UGT3A2: variants seen among roughly 807,000 people sequenced by gnomAD.
The protein encoded by UGT3A2 is UDP glycosyltransferase family 3 member A2, also known as UDP-glycosyltransferase 3A2.
Under a neutral mutation model 39.8 loss-of-function variants are expected in UGT3A2, and 32 were observed. The observed-to-expected ratio is 0.80, with a 90% CI of 0.61 to 1.08. UGT3A2 has a LOEUF of 1.08. Among genes scored for constraint, UGT3A2 ranks in the 50% least tolerant of loss-of-function variants. The pLI is 0.00. For missense variants in UGT3A2, 611 were observed against 637.1 expected (o/e 0.96, Z 0.44); for synonymous variants, 241 against 230.7 (o/e 1.04, Z -0.40).
chr5:36,037,796 C>T lies in UGT3A2; in HGVS notation c.1295+1G>A, dbSNP rs751765503. The T allele has an allele frequency of 4.3e-6, 7 of 1,614,100 alleles. No homozygotes were observed. The East Asian group carries it at 6.7e-5, about 15-fold the overall frequency. On this transcript the variant is annotated splice_donor_variant, in intron 6 of 6. Transcript: ENST00000282507. LOFTEE classifies it high-confidence loss of function. Reference sequence around the variant, plus strand: ...GACCACAACCCCAAGGAGCTGCATACCTCTTGTCTTCCATGATTTGTTTCA... The same window carrying T: ...GACCACAACCCCAAGGAGCTGCATATCTCTTGTCTTCCATGATTTGTTTCA...
chr5:36,039,548 T>G lies in UGT3A2; in HGVS notation c.1004A>C (p.His335Pro). Reference protein sequence around the residue: ...QGVIWKCQCSHWPKDVHLAAN... With the variant: ...QGVIWKCQCSPWPKDVHLAAN... ...AGCCAGGTGGACATCTTTGGGCCAA[T>G]GAGAACACTGACACTTCCATATCAC... Residue 335 changes from histidine to proline, a missense_variant, in exon 5 of 7, where the codon CAT (histidine) becomes CCT (proline). Coordinates refer to ENST00000282507, the MANE Select transcript of UGT3A2 (RefSeq NM_174914.4). 6.2e-7 allele frequency: 1 copy of G among 1,614,196 alleles called. No individual in the cohort carries two copies. The highest frequency in any genetic ancestry group is 1.3e-5 in the African/African-American group (1 of 75,050).
chr5:36,062,056 G>T (rs954975866), intron 2 of UGT3A2, among the ~76,000 whole-genome samples: 1 of 151,764 alleles, frequency 6.6e-6, no homozygotes, highest in Non-Finnish European at 1.5e-5. Flanking sequence ...AGAAGTGTCT[G>T]TTCATGTCCT....
chr5:36,063,619 G>T (rs559991728), intron 2 of UGT3A2, among the ~76,000 whole-genome samples: 3 of 152,160 alleles, frequency 2.0e-5, no homozygotes, highest in Non-Finnish European at 4.4e-5. Context: ...AAATAAGGCT[G>T]AATATTTCTG....
At chr5:36,045,557 C>T (rs972683371) in intron 4 of UGT3A2, among the ~76,000 whole-genome samples, 1 of 150,706 alleles carries the variant, frequency 6.6e-6, no homozygotes, top group African/African-American at 2.4e-5. Flanking sequence ...CGCACCACTG[C>T]ACTCCAGCCT....
chr5:36,045,594 C>T (rs114500433), intron 4 of UGT3A2, among the ~76,000 whole-genome samples: 2,168 of 140,904 alleles, frequency 0.015, 49 homozygotes, highest in African/African-American at 0.055. Flanking sequence ...ACTCAGTCCT[C>T]AGTCTCAAAA....
chr5:36,054,643 A>G (rs894987070), intron 2 of UGT3A2, among the ~76,000 whole-genome samples: 2 of 152,116 alleles, frequency 1.3e-5, no homozygotes, highest in African/African-American at 4.8e-5. Context: ...TGGGACAGGC[A>G]TAGGATACCA....
chr5:36,041,038 T>A (rs553443439), intron 4 of UGT3A2, among the ~76,000 whole-genome samples: 1 of 152,212 alleles, frequency 6.6e-6, no homozygotes, highest in Non-Finnish European at 1.5e-5. Context: ...TTGCTAGACA[T>A]GCCCTGGGTC....
In UGT3A2 at chr5:36,036,080, C is replaced by A. The variant is rs16902694; in HGVS notation, c.1296-106G>T. On this transcript the variant is annotated intron_variant, in intron 6 of 6. Coordinates refer to ENST00000282507, the MANE Select transcript of UGT3A2 (RefSeq NM_174914.4). ...CCAAAGACTGAGTTCCAAGGAAATT[C>A]TGTTGGCTTTGCAGTAATCTACCTG... is the stretch of plus-strand genomic sequence containing the variant. The A allele has an allele frequency of 5.7e-6, 8 of 1,413,352 alleles. No individual in the cohort carries two copies. In the East Asian group the frequency reaches 9.7e-5, roughly 17 times the overall value. The allele number at this position is 1,413,352 out of a possible 1,614,324, so 87.6% of individuals were successfully genotyped here.
intron 2 of UGT3A2, among the ~76,000 whole-genome samples, chr5:36,061,576 T>A (rs1264780904): frequency 4.0e-5 from 6 of 151,496 alleles, no homozygotes. Flanking sequence ...GAACTCATCA[T>A]TTTTTATGGC....
chr5:36,065,793 C>T (rs1742861143), intron 1 of UGT3A2, among the ~76,000 whole-genome samples: 1 of 152,104 alleles, frequency 6.6e-6, no homozygotes, highest in Non-Finnish European at 1.5e-5. Context: ...CAATTGCCCT[C>T]TCAGGAAATG....
At chr5:36,047,509 T>C (rs1484822202) in intron 4 of UGT3A2, among the ~76,000 whole-genome samples, 1 of 152,238 alleles carries the variant, frequency 6.6e-6, no homozygotes, top group Non-Finnish European at 1.5e-5. Context: ...ATCATTCTAT[T>C]ACGTGGTTCA....
chr5:36,053,645 T>C (rs1742418997), intron 2 of UGT3A2, among the ~76,000 whole-genome samples: 1 of 152,218 alleles, frequency 6.6e-6, no homozygotes, highest in South Asian at 2.1e-4. Flanking sequence ...CTATTGCTGC[T>C]TTAACAAATT....
Position 36,064,300 on chromosome 5 carries a change from G to A in UGT3A2, c.145C>T (p.His49Tyr), listed in dbSNP as rs1219050309. The change falls in exon 2 of 7, where the codon CAC becomes TAC. Residue 49 changes from histidine to tyrosine, a missense_variant. Coordinates refer to ENST00000282507, the MANE Select transcript of UGT3A2 (RefSeq NM_174914.4). ...TTAAGCATGGTGACATTATGACCGT[G>A]ATCTTGAAGAATCTGAGAAACCCGG... ...MDRVSQILQD[H>Y]GHNVTMLNHK... 43 of 1,614,078 alleles carry A rather than the reference G, an allele frequency of 2.7e-5. No individual in the cohort carries two copies. Among genetic ancestry groups the A allele is most frequent in the Non-Finnish European group, 3.3e-5 (39 of 1,180,036 alleles).
intron 2 of UGT3A2, among the ~76,000 whole-genome samples, chr5:36,055,644 T>A (rs1359885850): frequency 6.6e-6 from 1 of 152,224 alleles, no homozygotes; most frequent in African/African-American, 2.4e-5. Context: ...ATCTTTTATC[T>A]GGCTGGCTGC....
chr5:36,057,063 T>C (rs1742536753), intron 2 of UGT3A2, among the ~76,000 whole-genome samples: 1 of 152,230 alleles, frequency 6.6e-6, no homozygotes, highest in Non-Finnish European at 1.5e-5. Context: ...AATATTCTTC[T>C]AGCCAATATG....
At position 36,049,160 on chromosome 5, in the gene UGT3A2, A is replaced by AG. The variant is rs776458750; in HGVS notation, c.571dup (p.Leu191ProfsTer3). The AG allele has an allele frequency of 2.5e-6, 4 of 1,614,132 alleles. No homozygotes were observed. The highest frequency in any genetic ancestry group is 3.4e-6 in the Non-Finnish European group (4 of 1,180,058). On this transcript the variant is annotated frameshift_variant, in exon 4 of 7. Transcript: ENST00000282507. LOFTEE classifies it high-confidence loss of function. The stretch of plus-strand genomic sequence containing the variant: ...GCCCCAGAAGTCCATGTGATCAGTC[A>AG]GCAAGGAACGGAATACTGGAACATA...
chr5:36,048,075 G>T (rs1180381351), intron 4 of UGT3A2, among the ~76,000 whole-genome samples: 1 of 152,140 alleles, frequency 6.6e-6, no homozygotes, highest in African/African-American at 2.4e-5. Context: ...TAGGACCTCT[G>T]AAATACATGG....
At position 36,038,002 on chromosome 5, in the gene UGT3A2, G is replaced by A. The variant is rs762817377; in HGVS notation, c.1090C>T (p.Arg364Cys). 90 of 1,597,880 alleles carry A rather than the reference G, an allele frequency of 5.6e-5. No homozygotes were observed. In the Middle Eastern group the frequency reaches 1.5e-3, roughly 27 times the overall value. Reference protein sequence around the residue: ...QSDLLAHPSIRLFVTHGGQNS... With the variant: ...QSDLLAHPSICLFVTHGGQNS... Reference sequence around the variant, plus strand: ...TGCCCGCCGTGGGTGACAAACAGACGGATGCTTGGGTGAGCTGTTGTAAAT... The same window carrying A: ...TGCCCGCCGTGGGTGACAAACAGACAGATGCTTGGGTGAGCTGTTGTAAAT... The change falls in exon 6 of 7, where the codon CGT (arginine) becomes TGT (cysteine). Residue 364 changes from arginine to cysteine, a missense_variant. By Grantham distance (180) the Arg-to-Cys change is radical (BLOSUM62 -3). Transcript: ENST00000282507.
rs576314435 is a variant in UGT3A2 at position 36,038,648 on chromosome 5, A to G, written c.1076-632T>C. On this transcript the variant is annotated intron_variant, in intron 5 of 6. Transcript: ENST00000282507. ...GGTTGATAATGACAAGCACATCTCA[A>G]CCTGGGTCACTCAACTGCAATGTGC... 1.2e-4 allele frequency among the ~76,000 whole-genome samples: 19 copies of G among 152,366 alleles called. 1 individual carries two copies. In the South Asian group the frequency reaches 2.7e-3, roughly 22 times the overall value.
Sources: allele counts gnomAD v4.1 joint callset (sites outside exome capture counted in the v4.1 genomes callset), GRCh38; gene constraint gnomAD v4.1.1; transcripts MANE v1.5; gene names NCBI Gene and HGNC (gene_info 2026-07-23, HGNC 2026-07-21).